NCK1: variants seen among roughly 807,000 people sequenced by gnomAD.
NCK1 encodes NCK adaptor protein 1.
In NCK1, 19 loss-of-function variants were observed where a neutral mutation model predicts 36.6. The ratio of observed to expected loss-of-function variants is 0.52; its 90% CI spans 0.36 to 0.76. NCK1 has a LOEUF of 0.76. NCK1 is among the 30% of genes least tolerant of loss of function. The pLI is 0.00. For synonymous variants in NCK1, 165 were observed against 156.0 expected (o/e 1.06, Z -0.43); for missense variants, 358 against 445.6 (o/e 0.80, Z 1.77).
At chr3:136,901,177 T>A (rs1469108011) in intron 1 of NCK1, among the ~76,000 whole-genome samples, 1 of 152,142 alleles carries the variant, frequency 6.6e-6, no homozygotes, top group African/African-American at 2.4e-5. Context: ...TATGGTTTTG[T>A]CCTTTATTCT....
intron 1 of NCK1, chr3:136,899,883 G>GT (rs1385314898): frequency 8.6e-7 from 1 of 1,161,170 alleles, no homozygotes; most frequent in African/African-American, 1.5e-5. Context: ...TTTTTTAGGG[G>GT]TTTTCTCTTC....
At chr3:136,898,770 C>G (rs946287839) in intron 1 of NCK1, among the ~76,000 whole-genome samples, 1 of 152,162 alleles carries the variant, frequency 6.6e-6, no homozygotes, top group African/African-American at 2.4e-5. Flanking sequence ...AAAGGCACAT[C>G]ATGTAACTAG....
At chr3:136,913,113 G>A (rs879934436) in intron 1 of NCK1, among the ~76,000 whole-genome samples, 1,723 of 151,774 alleles carry the variant, frequency 0.011, 14 homozygotes, top group Non-Finnish European at 0.018. Flanking sequence ...TCTTTCTCTG[G>A]GAAGGTTTCT....
chr3:136,919,560 G>T (rs1176409278), intron 1 of NCK1, among the ~76,000 whole-genome samples: 1 of 152,064 alleles, frequency 6.6e-6, no homozygotes, highest in East Asian at 1.9e-4. Context: ...ATCCACTTTA[G>T]TAACCCTTTC....
At chr3:136,933,966 C>T (rs928057719) in intron 2 of NCK1, among the ~76,000 whole-genome samples, 2 of 152,100 alleles carry the variant, frequency 1.3e-5, no homozygotes, top group African/African-American at 4.8e-5. Flanking sequence ...CCTCAGCCTC[C>T]CAAAGTGCTG....
chr3:136,922,531 A>G (rs776367906), intron 1 of NCK1, among the ~76,000 whole-genome samples: 1 of 152,206 alleles, frequency 6.6e-6, no homozygotes, highest in Non-Finnish European at 1.5e-5. Context: ...ATATGGGGAA[A>G]AGATATGAAC....
At chr3:136,936,738 G>A (rs550858992) in intron 2 of NCK1, among the ~76,000 whole-genome samples, 2 of 152,274 alleles carry the variant, frequency 1.3e-5, no homozygotes, top group African/African-American at 4.8e-5. Flanking sequence ...TAATGATATT[G>A]AGGATCTTTT....
intron 1 of NCK1, among the ~76,000 whole-genome samples, chr3:136,920,020 C>T (rs1291989991): frequency 3.3e-5 from 5 of 151,920 alleles, no homozygotes; most frequent in African/African-American, 1.2e-4. Flanking sequence ...GGAGAAAGTC[C>T]CCAATTAACT....
chr3:136,939,502 T>A (rs997206375), intron 2 of NCK1, among the ~76,000 whole-genome samples: 1 of 152,104 alleles, frequency 6.6e-6, no homozygotes, highest in African/African-American at 2.4e-5. Flanking sequence ...TTGCTTTGAG[T>A]TTAGTTTTTC....
At chr3:136,886,247 T>A (rs1939070465) in intron 1 of NCK1, among the ~76,000 whole-genome samples, 1 of 149,288 alleles carries the variant, frequency 6.7e-6, no homozygotes. Flanking sequence ...ATAGTTATCC[T>A]TTTTTTTTTC....
At chr3:136,903,133 G>A (rs1939591402) in intron 1 of NCK1, among the ~76,000 whole-genome samples, 1 of 152,144 alleles carries the variant, frequency 6.6e-6, no homozygotes, top group Non-Finnish European at 1.5e-5. Flanking sequence ...GTGCTACAGT[G>A]TTGGGTGCCT....
chr3:136,919,159 C>G (rs1329030577), intron 1 of NCK1, among the ~76,000 whole-genome samples: 1 of 151,968 alleles, frequency 6.6e-6, no homozygotes, highest in Non-Finnish European at 1.5e-5. Context: ...GAAAATAGAT[C>G]AATAGTTGTC....
chr3:136,919,082 T>A (rs1236042062), intron 1 of NCK1, among the ~76,000 whole-genome samples: 1 of 152,186 alleles, frequency 6.6e-6, no homozygotes, highest in Non-Finnish European at 1.5e-5. Flanking sequence ...TGCATTATGT[T>A]AACTGGAAAA....
intron 1 of NCK1, among the ~76,000 whole-genome samples, chr3:136,904,344 G>C (rs1939625349): frequency 1.3e-5 from 2 of 151,904 alleles, no homozygotes; most frequent in South Asian, 4.2e-4. Flanking sequence ...GTAGAGATAG[G>C]GTTTCACTAT....
At position 136,914,109 on chromosome 3, in the gene NCK1, G is replaced by C. The variant is rs73231951; in HGVS notation, c.-18-13875G>C. 3.3e-5 allele frequency among the ~76,000 whole-genome samples: 5 copies of C among 152,346 alleles called. No homozygotes were observed. In the East Asian group the frequency reaches 7.7e-4, roughly 23 times the overall value. ...TTTAAATCCCCTTTAGCCTGACTGC[G>C]GGGAGCAGTGGCCTCTAGCTATTGG... On this transcript the variant is annotated intron_variant, in intron 1 of 3. Transcript: ENST00000481752.
chr3:136,872,927 CT>C (rs955847184), intron 1 of NCK1, among the ~76,000 whole-genome samples: 1 of 152,164 alleles, frequency 6.6e-6, no homozygotes, highest in Non-Finnish European at 1.5e-5. Context: ...TATGGAAATG[CT>C]TGGATGCCCA....
intron 1 of NCK1, among the ~76,000 whole-genome samples, chr3:136,913,117 G>A (rs1939871921): frequency 6.6e-6 from 1 of 151,286 alleles, no homozygotes; most frequent in African/African-American, 2.4e-5. Flanking sequence ...TCTCTGGGAA[G>A]GTTTCTGTTG....
At chr3:136,934,936 G>T (rs1445976172) in intron 2 of NCK1, among the ~76,000 whole-genome samples, 2 of 152,110 alleles carry the variant, frequency 1.3e-5, no homozygotes, top group African/African-American at 2.4e-5. Flanking sequence ...GCTATGACCT[G>T]AGTGTTTGTG....
intron 1 of NCK1, among the ~76,000 whole-genome samples, chr3:136,903,879 C>T (rs1939611937): frequency 6.6e-6 from 1 of 151,932 alleles, no homozygotes; most frequent in Non-Finnish European, 1.5e-5. Flanking sequence ...ATTATTTTGG[C>T]TTGGTGGTTT....
Sources: gnomAD v4.1 joint callset for allele counts (sites outside exome capture counted in the v4.1 genomes callset) on GRCh38, gnomAD v4.1.1 for gene constraint, MANE v1.5 for transcripts, NCBI Gene and HGNC (gene_info 2026-07-23, HGNC 2026-07-21) for gene names.